The following SND1 variants were observed in gnomAD, a reference collection of about 807,000 sequenced individuals.
SND1 encodes staphylococcal nuclease domain-containing protein 1.
Under a neutral mutation model 121.7 loss-of-function variants are expected in SND1, and 38 were observed. The ratio of observed to expected loss-of-function variants is 0.31; its 90% CI spans 0.24 to 0.41. SND1 has a LOEUF of 0.41. Ranked by LOEUF, SND1 falls within the 10% of genes least tolerant of loss-of-function variation. The pLI, the probability that SND1 is intolerant of heterozygous loss-of-function variation, is 1.00. For synonymous variants in SND1, 401 were observed against 447.4 expected, an observed-to-expected ratio of 0.90 and a Z score of 1.31; for missense variants, 868 against 1,184.6, an observed-to-expected ratio of 0.73 and a Z score of 3.92.
intron 10 of SND1, among the ~76,000 whole-genome samples, chr7:127,748,918 C>A (rs1390130058): frequency 2.0e-5 from 3 of 152,120 alleles, no homozygotes; most frequent in Non-Finnish European, 4.4e-5. Flanking sequence ...AGAAACAACA[C>A]CCAAAACCAA....
chr7:128,030,536 G>A (rs538980409), intron 16 of SND1: 2 of 1,613,352 alleles, frequency 1.2e-6, no homozygotes, highest in South Asian at 1.1e-5. Flanking sequence ...CGGCAGCAGC[G>A]ATGGCTGCAC....
intron 14 of SND1, among the ~76,000 whole-genome samples, chr7:127,914,004 C>T (rs1349431242): frequency 6.6e-6 from 1 of 152,196 alleles, no homozygotes; most frequent in African/African-American, 2.4e-5. Context: ...GAAATTAGAG[C>T]TCAGGGTTGC....
intron 15 of SND1, among the ~76,000 whole-genome samples, chr7:127,984,411 A>G (rs1363722940): frequency 6.6e-6 from 1 of 152,144 alleles, no homozygotes; most frequent in African/African-American, 2.4e-5. Context: ...AGTGGGATGT[A>G]TGTAGTTATG....
At chr7:128,072,955 C>T (rs1210123127) in intron 16 of SND1, among the ~76,000 whole-genome samples, 3 of 152,224 alleles carry the variant, frequency 2.0e-5, no homozygotes, top group South Asian at 4.1e-4. Flanking sequence ...GTCGTGAATT[C>T]AGGCACTGGG....
chr7:127,659,286 T>G (rs1189859500), intron 1 of SND1, among the ~76,000 whole-genome samples: 2 of 152,240 alleles, frequency 1.3e-5, no homozygotes, highest in Admixed American at 1.3e-4. Flanking sequence ...TTCATTAGAC[T>G]CAATATAATA....
chr7:128,066,165 G>A (rs931326714), intron 16 of SND1, among the ~76,000 whole-genome samples: 5 of 152,198 alleles, frequency 3.3e-5, no homozygotes, highest in African/African-American at 9.7e-5. Context: ...AGGCAGGACC[G>A]AAGCTGCCCC....
chr7:127,721,415 G>A lies in SND1; in HGVS notation c.1152+15G>A, dbSNP rs755295012. 5 of 1,491,846 alleles carry A rather than the reference G, an allele frequency of 3.4e-6. No individual in the cohort carries two copies. The highest frequency in any genetic ancestry group is 2.3e-5 in the South Asian group (2 of 88,610). The allele number at this position is 1,491,846 out of a possible 1,614,324, so 92.4% of individuals were successfully genotyped here. On this transcript the variant is annotated intron_variant, in intron 10 of 23. Coordinates refer to ENST00000354725, the MANE Select transcript of SND1 (RefSeq NM_014390.4). Reference sequence around the variant, plus strand: ...AGAACACCCAGGTGAGAATAGGGAAGCAGCCGCGCCTCTTTGCATAAACCA... The same window carrying A: ...AGAACACCCAGGTGAGAATAGGGAAACAGCCGCGCCTCTTTGCATAAACCA...
At chr7:128,089,292 G>A (rs924927531) in intron 21 of SND1, among the ~76,000 whole-genome samples, 197 bp from the exon 22 acceptor site, 2 of 151,836 alleles carry the variant, frequency 1.3e-5, no homozygotes, top group Non-Finnish European at 2.9e-5. Context: ...GGCCTCAAGG[G>A]GTCCACCCAC....
intron 14 of SND1, among the ~76,000 whole-genome samples, chr7:127,916,431 C>T (rs756413102): frequency 6.6e-6 from 1 of 152,076 alleles, no homozygotes; most frequent in African/African-American, 2.4e-5. Flanking sequence ...TTAAGACTTT[C>T]TGAACATGTT....
At chr7:128,031,672 G>GGCGCCCGCGGTC (rs1792608292) in intron 16 of SND1, 1 of 146,478 alleles carries the variant, frequency 6.8e-6, no homozygotes, top group Non-Finnish European at 1.5e-5. Flanking sequence ...AGGAGCGCGC[G>GGCGCCCGCGGTC]GCGCCCGCGG....
intron 10 of SND1, among the ~76,000 whole-genome samples, chr7:127,774,839 A>G (rs1797585893): frequency 6.6e-6 from 1 of 152,316 alleles, no homozygotes; most frequent in Non-Finnish European, 1.5e-5. Flanking sequence ...TCGGCCTCCC[A>G]AAGTGCTGGG....
chr7:127,903,065 G>A (rs1254936948), intron 13 of SND1, among the ~76,000 whole-genome samples: 1 of 151,974 alleles, frequency 6.6e-6, no homozygotes, highest in Non-Finnish European at 1.5e-5. Context: ...TGTATTTTTA[G>A]TAGAGACAGG....
chr7:127,938,565 C>A (rs1415643568), intron 15 of SND1, among the ~76,000 whole-genome samples: 1 of 152,192 alleles, frequency 6.6e-6, no homozygotes, highest in African/African-American at 2.4e-5. Context: ...TTTCTTTGGG[C>A]AGACTGGGTT....
At chr7:127,751,170 G>A (rs893108616) in intron 10 of SND1, among the ~76,000 whole-genome samples, 1 of 152,012 alleles carries the variant, frequency 6.6e-6, no homozygotes. Context: ...GTGTGCGCGC[G>A]TGCTGAAAGC....
At chr7:127,992,670 A>G (rs1244634404) in intron 16 of SND1, among the ~76,000 whole-genome samples, 1 of 152,144 alleles carries the variant, frequency 6.6e-6, no homozygotes. Flanking sequence ...CTACTGTTTC[A>G]CATCTCCTAA....
intron 11 of SND1, among the ~76,000 whole-genome samples, chr7:127,814,661 A>G (rs987845394): frequency 6.6e-6 from 1 of 152,056 alleles, no homozygotes; most frequent in Admixed American, 6.6e-5. Context: ...AAAATAACCC[A>G]TATCATTCAG....
In SND1 at chr7:127,807,574, G is replaced by T. The variant is rs1798259130; in HGVS notation, c.1242+1G>T. ...TCGAAAAAAGCTTATTGGGAAGAAG[G>T]TAAGTAATTGATGACAGAAGCATAT... is the stretch of plus-strand genomic sequence containing the variant. On this transcript the variant is annotated splice_donor_variant, in intron 11 of 23. Transcript: ENST00000354725. LOFTEE classifies it high-confidence loss of function. 1.2e-6 allele frequency: 2 copies of T among 1,610,256 alleles called. No individual in the cohort carries two copies. Among genetic ancestry groups the T allele is most frequent in the African/African-American group, 2.7e-5 (2 of 74,830 alleles).
intron 16 of SND1, among the ~76,000 whole-genome samples, chr7:128,035,191 T>C (rs952716064): frequency 6.6e-6 from 1 of 152,236 alleles, no homozygotes; most frequent in African/African-American, 2.4e-5. Flanking sequence ...AATCTTAAAA[T>C]AGCTCTAAAC....
At chr7:128,039,583 C>T (rs1187620633) in intron 16 of SND1, among the ~76,000 whole-genome samples, 1 of 152,030 alleles carries the variant, frequency 6.6e-6, no homozygotes, top group Non-Finnish European at 1.5e-5. Context: ...CCCTTGCTGA[C>T]AGATTTATGA....
Sources: gnomAD v4.1 joint callset for allele counts (sites outside exome capture counted in the v4.1 genomes callset) on GRCh38, gnomAD v4.1.1 for gene constraint, MANE v1.5 for transcripts, NCBI Gene and HGNC (gene_info 2026-07-23, HGNC 2026-07-21) for gene names.